ERAL1: variants seen among roughly 807,000 people sequenced by gnomAD.
ERAL1 encodes GTPase Era, mitochondrial.
ERAL1 carries 36 observed loss-of-function variants against 53.6 expected under a neutral mutation model. The ratio of observed to expected loss-of-function variants is 0.67; its 90% CI spans 0.51 to 0.89. The LOEUF (loss-of-function observed/expected upper bound fraction) is 0.89, where lower values mean the gene tolerates loss of function less well. Among genes scored for constraint, ERAL1 ranks in the 40% least tolerant of loss-of-function variants. The pLI is 0.00. For missense variants in ERAL1, 512 were observed against 537.5 expected (o/e 0.95, Z 0.47); for synonymous variants, 215 against 211.8 (o/e 1.02, Z -0.13).
chr17:28,855,335 G>C lies in ERAL1; in HGVS notation c.283+18G>C. ...GAACAGAGGTAAAGCGCCCTGATAGGTTTGCTCGGAACTGTCATGTTTTTA... is the reference window on the plus strand; with the variant it reads ...GAACAGAGGTAAAGCGCCCTGATAGCTTTGCTCGGAACTGTCATGTTTTTA... On this transcript the variant is annotated intron_variant, in intron 1 of 9. Transcript: ENST00000254928. 2.6e-6 allele frequency: 4 copies of C among 1,553,254 alleles called. No homozygotes were observed. Among genetic ancestry groups the C allele is most frequent in the Non-Finnish European group, 3.5e-6 (4 of 1,148,964 alleles).
In ERAL1 at chr17:28,856,410, C is replaced by T. The variant is rs766488394; in HGVS notation, c.411+19C>T. 6.2e-7 allele frequency: 1 copy of T among 1,613,784 alleles called. No homozygotes were observed. Among genetic ancestry groups the T allele is most frequent in the Non-Finnish European group, 8.5e-7 (1 of 1,179,814 alleles). ...CCGAAAGGTATGCTACACCCTTGAC[C>T]ATCCTACCCTTTACATCTTTTACTT... On this transcript the variant is annotated intron_variant, in intron 2 of 9. Coordinates refer to ENST00000254928, the MANE Select transcript of ERAL1 (RefSeq NM_005702.4).
chr17:28,856,412 T>A (rs753668767), intron 2 of ERAL1, 21 bp downstream of exon 2: 1 of 1,613,774 alleles, frequency 6.2e-7, no homozygotes, highest in Non-Finnish European at 8.5e-7. Context: ...CCCTTGACCA[T>A]CCTACCCTTT....
At position 28,855,406 on chromosome 17, in the gene ERAL1, G is replaced by A. The variant is rs931470867; in HGVS notation, c.283+89G>A. ...ATACTGTCTTTGATTCTATTTTATA[G>A]AAAACAATTTTGAGGCCCTGACAGG... On this transcript the variant is annotated intron_variant, in intron 1 of 9. Coordinates refer to ENST00000254928, the MANE Select transcript of ERAL1 (RefSeq NM_005702.4). 4.8e-5 allele frequency: 69 copies of A among 1,432,352 alleles called. 2 individuals are homozygous for A. The Admixed American group carries it at 1.8e-3, about 38-fold the overall frequency. 88.7% of individuals were successfully genotyped at this position (1,432,352 alleles called of 1,614,324 possible).
intron 1 of ERAL1, among the ~76,000 whole-genome samples, chr17:28,855,650 C>T (rs1478036701): frequency 1.3e-5 from 2 of 152,162 alleles, no homozygotes; most frequent in Non-Finnish European, 2.9e-5. Context: ...TGGAAAACAG[C>T]ACACTTTATT....
chr17:28,860,205 G>T (rs1422857730), intron 9 of ERAL1, among the ~76,000 whole-genome samples: 1 of 152,054 alleles, frequency 6.6e-6, no homozygotes, highest in East Asian at 1.9e-4. Context: ...TCGAACTCCT[G>T]ACCTCAGGTG....
In ERAL1 at chr17:28,858,824, G is replaced by A; in HGVS notation, c.960G>A (p.Lys320=). 1 of 1,614,130 alleles carries A rather than the reference G, an allele frequency of 6.2e-7. No individual in the cohort carries two copies. The highest frequency in any genetic ancestry group is 8.5e-7 in the Non-Finnish European group (1 of 1,180,002). ...GCCAGGAGGACGTGAAAACACTAAA[G>A]GTCAGTTAGTCTTGGCCATAGCCTG... ...ALSQEDVKTL[K]QYLLTQAQPG... is the part of the protein sequence containing the mutation. The change falls in exon 7 of 10, where the codon AAG becomes AAA. Residue 320 remains lysine (K), a splice_region_variant and synonymous_variant. Transcript: ENST00000254928.
intron 8 of ERAL1, 45 bp downstream of exon 8, chr17:28,859,158 T>G: frequency 6.2e-7 from 1 of 1,614,110 alleles, no homozygotes; most frequent in Non-Finnish European, 8.5e-7. Context: ...GACACACACC[T>G]CTACCCAGGT....
intron 6 of ERAL1, 43 bp downstream of exon 6, chr17:28,858,529 G>C (rs1226655934): frequency 3.7e-6 from 6 of 1,614,070 alleles, no homozygotes; most frequent in Non-Finnish European, 5.1e-6. Flanking sequence ...TTCCCTCCAA[G>C]TCCCCTATCT....
At chr17:28,858,070 T>G in intron 4 of ERAL1, 76 bp from the exon 5 acceptor site, 1 of 1,612,906 alleles carries the variant, frequency 6.2e-7, no homozygotes, top group Non-Finnish European at 8.5e-7. Context: ...GGAAAACCCC[T>G]TTACCATACC....
rs568262985 is a variant in ERAL1 at position 28,860,833 on chromosome 17, G to A, written c.*280G>A. ...AAGATGGCCCATTGGTGGGAGCAAT[G>A]TCACCCTGCCTCCAGCTAGCTATGG... On this transcript the variant is annotated 3_prime_UTR_variant, in exon 10 of 10. Coordinates refer to ENST00000254928, the MANE Select transcript of ERAL1 (RefSeq NM_005702.4). 7 of 236,530 alleles carry A rather than the reference G, an allele frequency of 3.0e-5. No individual in the cohort carries two copies. In the South Asian group the frequency reaches 4.2e-4, roughly 14 times the overall value. The allele number at this position is 236,530 out of a possible 1,614,324, so 14.7% of individuals were successfully genotyped here.
Position 28,858,143 on chromosome 17 carries a change from C to A in ERAL1, c.537-3C>A, listed in dbSNP as rs2039264102. On this transcript the variant is annotated splice_polypyrimidine_tract_variant and splice_region_variant and intron_variant, in intron 4 of 9. Transcript: ENST00000254928. ...TCCTGACTGATGTATGTCTGTCCCT[C>A]AGGCATCACCTGGAGCTCTCTTTGT... 1 of 1,614,108 alleles carries A rather than the reference C, an allele frequency of 6.2e-7. No homozygotes were observed. The highest frequency in any genetic ancestry group is 8.5e-7 in the Non-Finnish European group (1 of 1,180,018).
intron 3 of ERAL1, 192 bp downstream of exon 3, chr17:28,856,774 C>T (rs1567918648): frequency 2.7e-5 from 14 of 527,236 alleles, no homozygotes; most frequent in East Asian, 2.1e-4. Context: ...TGCAGTGACG[C>T]GATCTTGGCT....
intron 1 of ERAL1, 150 bp from the exon 2 acceptor site, chr17:28,856,114 A>T: frequency 1.3e-6 from 1 of 793,504 alleles, no homozygotes; most frequent in Non-Finnish European, 2.0e-6. Context: ...AATGTAAATT[A>T]AGGGCCAAAG....
chr17:28,859,339 C>T (rs2039279487), intron 9 of ERAL1, 56 bp downstream of exon 9: 4 of 1,561,012 alleles, frequency 2.6e-6, no homozygotes, highest in Non-Finnish European at 3.5e-6. Context: ...AGGAGTTCTT[C>T]CCCCAGCTTG....
In ERAL1 at chr17:28,858,186, A is replaced by T. The variant is rs1288916070; in HGVS notation, c.577A>T (p.Ser193Cys). ...CTCTTTGTTGGAAGATCCATGGAAGAGCATGGAATCTGCTGATCTTGGTTA... is the reference window on the plus strand; with the variant it reads ...CTCTTTGTTGGAAGATCCATGGAAGTGCATGGAATCTGCTGATCTTGGTTA... ...ELSLLEDPWK[S>C]MESADLVVVL... is the part of the protein sequence containing the mutation. Residue 193 changes from serine (S) to cysteine (C), a missense_variant, in exon 5 of 10, where the codon AGC (serine) becomes TGC (cysteine). Physicochemically the swap from Ser to Cys is moderately radical, Grantham distance 112. Transcript: ENST00000254928. 6.2e-7 allele frequency: 1 copy of T among 1,613,942 alleles called. No individual in the cohort carries two copies. Among genetic ancestry groups the T allele is most frequent in the Admixed American group, 1.7e-5 (1 of 59,984 alleles).
Position 28,855,324 on chromosome 17 carries a change from C to A in ERAL1, c.283+7C>A. ...GCGGTGTCCATGAACAGAGGTAAAG[C>A]GCCCTGATAGGTTTGCTCGGAACTG... On this transcript the variant is annotated splice_region_variant and intron_variant, in intron 1 of 9. Coordinates refer to ENST00000254928, the MANE Select transcript of ERAL1 (RefSeq NM_005702.4). The A allele has an allele frequency of 2.6e-6, 4 of 1,566,910 alleles. No individual in the cohort carries two copies. Among genetic ancestry groups the A allele is most frequent in the South Asian group, 2.3e-5 (2 of 85,790 alleles).
At chr17:28,856,708 CTTTTTCTTTTTT>C in intron 3 of ERAL1, 126 bp downstream of exon 3, 1 of 756,138 alleles carries the variant, frequency 1.3e-6, no homozygotes, top group Non-Finnish European at 2.1e-6. Flanking sequence ...GGTTTCTTTT[CTTTTTCTTTTTT>C]TTTTTTTTTG....
At chr17:28,858,534 CTA>C in intron 6 of ERAL1, 40 bp from the exon 7 acceptor site, 1 of 1,614,120 alleles carries the variant, frequency 6.2e-7, no homozygotes, top group South Asian at 1.1e-5. Flanking sequence ...TCCAAGTCCC[CTA>C]TCTCTGACCA....
chr17:28,855,320 A>T lies in ERAL1; in HGVS notation c.283+3A>T. On this transcript the variant is annotated splice_donor_region_variant and intron_variant, in intron 1 of 9. Transcript: ENST00000254928. Reference sequence around the variant, plus strand: ...CCCCGCGGTGTCCATGAACAGAGGTAAAGCGCCCTGATAGGTTTGCTCGGA... The same window carrying T: ...CCCCGCGGTGTCCATGAACAGAGGTTAAGCGCCCTGATAGGTTTGCTCGGA... 2 of 1,573,474 alleles carry T rather than the reference A, an allele frequency of 1.3e-6. No homozygotes were observed. The highest frequency in any genetic ancestry group is 1.7e-6 in the Non-Finnish European group (2 of 1,158,258).
Sources: gnomAD v4.1 joint callset for allele counts (sites outside exome capture counted in the v4.1 genomes callset) on GRCh38, gnomAD v4.1.1 for gene constraint, MANE v1.5 for transcripts, NCBI Gene and HGNC (gene_info 2026-07-23, HGNC 2026-07-21) for gene names.